The following JAZF1 variants were observed in gnomAD, a reference collection of about 807,000 sequenced individuals.
JAZF1 encodes juxtaposed with another zinc finger protein 1.
A neutral mutation model predicts 26.4 loss-of-function variants in JAZF1; 8 were observed. The ratio of observed to expected loss-of-function variants is 0.30; its 90% CI spans 0.18 to 0.55. The LOEUF (loss-of-function observed/expected upper bound fraction) is 0.55, where lower values mean the gene tolerates loss of function less well. JAZF1 is among the 20% of genes least tolerant of loss of function. The pLI is 0.94. For missense variants in JAZF1, 199 were observed against 322.0 expected, an observed-to-expected ratio of 0.62 and a Z score of 2.92; for synonymous variants, 126 against 122.3, an observed-to-expected ratio of 1.03 and a Z score of -0.20.
At chr7:27,927,896 A>T (rs757560888) in intron 2 of JAZF1, among the ~76,000 whole-genome samples, 1 of 152,154 alleles carries the variant, frequency 6.6e-6, no homozygotes. Flanking sequence ...ATTTTCAGGA[A>T]CCCTATGATG....
chr7:28,018,902 A>G (rs544069221), intron 1 of JAZF1, among the ~76,000 whole-genome samples: 1 of 152,164 alleles, frequency 6.6e-6, no homozygotes, highest in African/African-American at 2.4e-5. Flanking sequence ...GTTCAGTTGG[A>G]GTCTGTCCTC....
At chr7:27,885,142 C>G (rs999054374) in intron 3 of JAZF1, among the ~76,000 whole-genome samples, 2 of 152,202 alleles carry the variant, frequency 1.3e-5, no homozygotes, top group African/African-American at 4.8e-5. Flanking sequence ...ATGTTCAATT[C>G]TACACACCTT....
At position 27,832,097 on chromosome 7, in the gene JAZF1, T is replaced by C. The variant is rs556023989; in HGVS notation, c.*703A>G. Reference sequence around the variant, plus strand: ...GTGTTAAATGAATGAACGAACTGAATAGACTATTTTGTACAAAATGCCATT... The same window carrying C: ...GTGTTAAATGAATGAACGAACTGAACAGACTATTTTGTACAAAATGCCATT... On this transcript the variant is annotated 3_prime_UTR_variant, in exon 5 of 5. Coordinates refer to ENST00000283928, the MANE Select transcript of JAZF1 (RefSeq NM_175061.4). 15 of 212,370 alleles carry C rather than the reference T, an allele frequency of 7.1e-5. No individual in the cohort carries two copies. The highest frequency in any genetic ancestry group is 1.1e-4 in the African/African-American group (5 of 44,152). The allele number at this position is 212,370 out of a possible 1,614,324, so 13.2% of individuals were successfully genotyped here.
In JAZF1 at chr7:27,956,720, G is replaced by A. The variant is rs529695924; in HGVS notation, c.188+35189C>T. Among the ~76,000 whole-genome samples the A allele has an allele frequency of 5.3e-5, 8 of 152,306 alleles. No individual in the cohort carries two copies. The South Asian group carries it at 1.7e-3, about 32-fold the overall frequency. On this transcript the variant is annotated intron_variant, in intron 2 of 4. Transcript: ENST00000283928. ...TCACACCATGGCCCAAAAGGAGGAT[G>A]GGGTGAAAATGCGGTCATGCCAAAC... is the stretch of plus-strand genomic sequence containing the variant.
intron 1 of JAZF1, among the ~76,000 whole-genome samples, chr7:28,047,379 T>C (rs967358326): frequency 6.6e-6 from 1 of 152,142 alleles, no homozygotes; most frequent in Admixed American, 6.5e-5. Context: ...AGAAATTCTA[T>C]TAAAATTTCA....
chr7:28,108,964 T>C (rs1298668464), intron 1 of JAZF1, among the ~76,000 whole-genome samples: 3 of 152,198 alleles, frequency 2.0e-5, no homozygotes, highest in Non-Finnish European at 4.4e-5. Context: ...ACAAGTACTG[T>C]ATGATCTCAC....
chr7:28,148,864 T>C (rs1001250490), intron 1 of JAZF1, among the ~76,000 whole-genome samples: 1 of 152,200 alleles, frequency 6.6e-6, no homozygotes, highest in African/African-American at 2.4e-5. Flanking sequence ...GAATGACACA[T>C]GCAACTCAGG....
At chr7:27,995,389 G>A (rs985173762) in intron 1 of JAZF1, among the ~76,000 whole-genome samples, 5 of 152,134 alleles carry the variant, frequency 3.3e-5, no homozygotes, top group Admixed American at 2.0e-4. Context: ...AACAACATTC[G>A]ACCACTTTCA....
At chr7:28,011,727 A>G (rs1782803215) in intron 1 of JAZF1, among the ~76,000 whole-genome samples, 1 of 152,200 alleles carries the variant, frequency 6.6e-6, no homozygotes, top group African/African-American at 2.4e-5. Context: ...AAGATACTTC[A>G]ATCCCAAAGA....
intron 1 of JAZF1, among the ~76,000 whole-genome samples, chr7:28,167,868 C>T (rs1267461356): frequency 1.3e-5 from 2 of 152,002 alleles, no homozygotes; most frequent in Non-Finnish European, 2.9e-5. Flanking sequence ...GAATAAAAAC[C>T]ACTATAAGCT....
At chr7:28,171,739 A>G (rs1455768494) in intron 1 of JAZF1, among the ~76,000 whole-genome samples, 1 of 152,240 alleles carries the variant, frequency 6.6e-6, no homozygotes, top group Non-Finnish European at 1.5e-5. Context: ...ATATGGTAGC[A>G]TATTTAACTC....
chr7:28,050,842 C>T (rs192851456), intron 1 of JAZF1, among the ~76,000 whole-genome samples: 2 of 152,234 alleles, frequency 1.3e-5, no homozygotes, highest in Admixed American at 1.3e-4. Flanking sequence ...ATATTAAAGC[C>T]TACCACAATG....
At chr7:28,031,755 C>A (rs566592019) in intron 1 of JAZF1, among the ~76,000 whole-genome samples, 41 of 152,190 alleles carry the variant, frequency 2.7e-4, no homozygotes, top group Non-Finnish European at 4.4e-5. Context: ...GGGAAAGCAT[C>A]AGGAAAAATA....
intron 2 of JAZF1, among the ~76,000 whole-genome samples, chr7:27,907,140 A>G (rs1284412662): frequency 2.0e-5 from 3 of 152,164 alleles, no homozygotes; most frequent in Non-Finnish European, 4.4e-5. Context: ...CTGAAGGCAA[A>G]CTCTTAATCT....
Position 27,895,204 on chromosome 7 carries a change from G to A in JAZF1, c.385+16C>T. ...CCCTCTCCTCCTTCTCAAGGCGGTA[G>A]GGCCAGGCCACTCACCTGTCGGAGT... On this transcript the variant is annotated intron_variant, in intron 3 of 4. Transcript: ENST00000283928. The A allele has an allele frequency of 6.4e-7, 1 of 1,551,430 alleles. No individual in the cohort carries two copies. The highest frequency in any genetic ancestry group is 1.2e-5 in the South Asian group (1 of 83,332).
chr7:28,049,881 C>G (rs1191849506), intron 1 of JAZF1, among the ~76,000 whole-genome samples: 1 of 152,118 alleles, frequency 6.6e-6, no homozygotes, highest in Non-Finnish European at 1.5e-5. Context: ...GTTCACCACC[C>G]CAGAAGCTCT....
chr7:28,085,793 T>C (rs1784204214), intron 1 of JAZF1, among the ~76,000 whole-genome samples: 1 of 152,254 alleles, frequency 6.6e-6, no homozygotes, highest in South Asian at 2.1e-4. Context: ...ATATCATTGA[T>C]ACCAAGAAGA....
intron 2 of JAZF1, among the ~76,000 whole-genome samples, chr7:27,911,311 G>A (rs796180380): frequency 2.4e-4 from 36 of 152,268 alleles, no homozygotes; most frequent in African/African-American, 7.9e-4. Flanking sequence ...TATGCTACGT[G>A]CTTTATCATT....
intron 1 of JAZF1, among the ~76,000 whole-genome samples, chr7:28,158,761 T>C (rs1783232465): frequency 6.6e-6 from 1 of 152,212 alleles, no homozygotes; most frequent in Non-Finnish European, 1.5e-5. Flanking sequence ...AACTTCTGAC[T>C]GGTCCTCTGT....
Sources: gnomAD v4.1 joint callset for allele counts (sites outside exome capture counted in the v4.1 genomes callset) on GRCh38, gnomAD v4.1.1 for gene constraint, MANE v1.5 for transcripts, NCBI Gene and HGNC (gene_info 2026-07-23, HGNC 2026-07-21) for gene names.